UTRN: variants seen among roughly 807,000 people sequenced by gnomAD.
UTRN encodes dystrophin-related protein 1.
In UTRN, 283 loss-of-function variants were observed where a neutral mutation model predicts 463.9. The observed-to-expected ratio is 0.61, with a 90% confidence interval of 0.55 to 0.67. The LOEUF (loss-of-function observed/expected upper bound fraction) is 0.67, where lower values mean the gene tolerates loss of function less well. Among genes scored for constraint, UTRN ranks in the 30% least tolerant of loss-of-function variants. The pLI is 0.00. For missense variants in UTRN, 3,922 were observed against 4,084.3 expected (o/e 0.96, Z 1.08); for synonymous variants, 1,442 against 1,431.5 (o/e 1.01, Z -0.17).
At chr6:144,307,200 G>T (rs1412203541) in intron 2 of UTRN, among the ~76,000 whole-genome samples, 2 of 152,292 alleles carry the variant, frequency 1.3e-5, no homozygotes, top group Non-Finnish European at 2.9e-5. Context: ...AGTGGTTTTT[G>T]ATTTGTAATA....
intron 2 of UTRN, among the ~76,000 whole-genome samples, chr6:144,310,647 G>A (rs1432100030): frequency 2.7e-5 from 4 of 148,384 alleles, no homozygotes; most frequent in African/African-American, 9.9e-5. Context: ...GGGGTGGGGG[G>A]CGTGCCTGTA....
chr6:144,475,413 G>A (rs891083363), intron 25 of UTRN, among the ~76,000 whole-genome samples: 4 of 152,162 alleles, frequency 2.6e-5, no homozygotes, highest in African/African-American at 9.7e-5. Flanking sequence ...CAGTGTAGCT[G>A]GAATAAAACA....
chr6:144,594,255 A>G (rs1310827562), intron 51 of UTRN, among the ~76,000 whole-genome samples: 1 of 149,606 alleles, frequency 6.7e-6, no homozygotes, highest in South Asian at 2.2e-4. Context: ...CTTTGCTCTT[A>G]AAGTGCTTTA....
intron 41 of UTRN, among the ~76,000 whole-genome samples, chr6:144,525,488 A>ATG (rs1796488658): frequency 6.6e-6 from 1 of 152,078 alleles, no homozygotes; most frequent in Non-Finnish European, 1.5e-5. Context: ...TGTTCATAAT[A>ATG]GCCTTGATCT....
chr6:144,611,389 A>T (rs948192455), intron 51 of UTRN, among the ~76,000 whole-genome samples: 1 of 152,222 alleles, frequency 6.6e-6, no homozygotes, highest in Non-Finnish European at 1.5e-5. Flanking sequence ...AGGGAAAGAA[A>T]TTAAAGGCAT....
At chr6:144,578,747 C>G (rs904605964) in intron 51 of UTRN, among the ~76,000 whole-genome samples, 2 of 152,192 alleles carry the variant, frequency 1.3e-5, no homozygotes, top group African/African-American at 4.8e-5. Flanking sequence ...TGTGCAAATC[C>G]TAAGTGAATA....
chr6:144,453,794 G>C lies in UTRN; in HGVS notation c.2209G>C (p.Glu737Gln). 1.9e-6 allele frequency: 3 copies of C among 1,612,944 alleles called. No individual in the cohort carries two copies. The highest frequency in any genetic ancestry group is 2.5e-6 in the Non-Finnish European group (3 of 1,179,416). The change falls in exon 19 of 75, where the codon GAA (glutamate) becomes CAA (glutamine). Residue 737 changes from glutamate (E) to glutamine (Q), a missense_variant. Glu to Gln is a conservative substitution (Grantham distance 29, BLOSUM62 2). Coordinates refer to ENST00000367545, the MANE Select transcript of UTRN (RefSeq NM_007124.3). ...ACTTCATTTGCAGGCATTAGAAAAA[G>C]AACAGAGAGAAAGAATCCCCAGAGC... is the stretch of plus-strand genomic sequence containing the variant. ...MKKKLKALEK[E>Q]QRERIPRADE...
chr6:144,424,483 CTGCAA>C (rs146575659), intron 6 of UTRN, among the ~76,000 whole-genome samples: 2,758 of 152,250 alleles, frequency 0.018, 87 homozygotes, highest in African/African-American at 0.062. Context: ...CTAGTGACAT[CTGCAA>C]TGACCTTATT....
At chr6:144,815,183 T>C (rs1024239230) in intron 65 of UTRN, among the ~76,000 whole-genome samples, 1 of 152,196 alleles carries the variant, frequency 6.6e-6, no homozygotes, top group Non-Finnish European at 1.5e-5. Context: ...ACAAAAGCAT[T>C]GATCATCTTT....
chr6:144,792,547 CA>C (rs879698665), intron 62 of UTRN, among the ~76,000 whole-genome samples: 211 of 138,388 alleles, frequency 1.5e-3, no homozygotes, highest in South Asian at 7.5e-3. Flanking sequence ...CACTCCATCT[CA>C]AAAAAAAAAA....
rs929732636 is a variant in UTRN at position 144,285,396 on chromosome 6, G to A, written c.-518G>A. Among the ~76,000 whole-genome samples, 11 of 152,196 alleles carry A rather than the reference G, an allele frequency of 7.2e-5. No homozygotes were observed. The highest frequency in any genetic ancestry group is 2.4e-4 in the African/African-American group (10 of 41,468). On this transcript the variant is annotated 5_prime_UTR_variant, in exon 1 of 75. Coordinates refer to ENST00000367545, the MANE Select transcript of UTRN (RefSeq NM_007124.3). ...CGGCCGCGGGCTTTCTCCCGCCGAG[G>A]GGCGAGGAGGAGCCTCTGGCTCCAG...
At position 144,548,840 on chromosome 6, in the gene UTRN, G is replaced by A. The variant is rs116253225; in HGVS notation, c.6796G>A (p.Val2266Ile). The A allele has an allele frequency of 7.1e-5, 114 of 1,613,788 alleles. No individual in the cohort carries two copies. The highest frequency in any genetic ancestry group is 4.7e-4 in the East Asian group (21 of 44,832). ...VGDVEEINKT[V>I]SRMKITKADL... ...GGATGTAGAAGAGATCAATAAGACC[G>A]TTTCCCGAATGAAAGTAGGTGCATA... The change falls in exon 47 of 75, where the codon GTT becomes ATT. Residue 2266 changes from valine (V) to isoleucine (I), a missense_variant. By Grantham distance (29) the Val-to-Ile change is conservative. Transcript: ENST00000367545.
chr6:144,605,229 C>G (rs1489788189), intron 51 of UTRN, among the ~76,000 whole-genome samples: 2 of 152,034 alleles, frequency 1.3e-5, no homozygotes, highest in Non-Finnish European at 2.9e-5. Flanking sequence ...AGTTATATAT[C>G]CAAAACAGCA....
At chr6:144,327,250 T>C (rs1317901419) in intron 2 of UTRN, among the ~76,000 whole-genome samples, 1 of 152,160 alleles carries the variant, frequency 6.6e-6, no homozygotes, top group Non-Finnish European at 1.5e-5. Context: ...TCTTTTCCTG[T>C]TACGCATTTT....
At chr6:144,597,741 A>G (rs1457429489) in intron 51 of UTRN, among the ~76,000 whole-genome samples, 1 of 152,240 alleles carries the variant, frequency 6.6e-6, no homozygotes, top group Admixed American at 6.5e-5. Context: ...TGATTTACTC[A>G]TAATAAGTCA....
At chr6:144,847,219 T>C (rs1782097388) in intron 74 of UTRN, among the ~76,000 whole-genome samples, 1 of 151,968 alleles carries the variant, frequency 6.6e-6, no homozygotes, top group Non-Finnish European at 1.5e-5. Context: ...CAGGGGAAAA[T>C]ATTTCAATTT....
At chr6:144,731,678 G>C (rs547139456) in intron 54 of UTRN, among the ~76,000 whole-genome samples, 2 of 152,148 alleles carry the variant, frequency 1.3e-5, no homozygotes, top group South Asian at 4.2e-4. Flanking sequence ...ATATATGTGT[G>C]TGTGTATATA....
At chr6:144,508,210 G>T (rs1253854687) in intron 34 of UTRN, among the ~76,000 whole-genome samples, 2 of 152,062 alleles carry the variant, frequency 1.3e-5, no homozygotes, top group Non-Finnish European at 2.9e-5. Flanking sequence ...AGACCACTTG[G>T]CTCCCTGGCT....
rs11965780 is a variant in UTRN at position 144,744,630 on chromosome 6, T to C, written c.7940-3616T>C. ...ACACACACACACACACACACACACA[T>C]ACACACACACACACACACACACTTT... On this transcript the variant is annotated intron_variant, in intron 54 of 74. Transcript: ENST00000367545. Among the ~76,000 whole-genome samples, 130 of 55,156 alleles carry C rather than the reference T, an allele frequency of 2.4e-3. 3 individuals carry two copies. Among genetic ancestry groups the C allele is most frequent in the East Asian group, 0.021 (3 of 140 alleles). 36.2% of individuals were successfully genotyped at this position (55,156 alleles called of 152,430 possible).
Sources: gnomAD v4.1 joint callset for allele counts (sites outside exome capture counted in the v4.1 genomes callset) on GRCh38, gnomAD v4.1.1 for gene constraint, MANE v1.5 for transcripts, NCBI Gene and HGNC (gene_info 2026-07-23, HGNC 2026-07-21) for gene names.